NR6A1: variants seen among roughly 807,000 people sequenced by gnomAD.
NR6A1 encodes the protein nuclear receptor subfamily 6 group A member 1, also known as retinoic acid receptor-related testis-associated receptor.
Under a neutral mutation model 59.1 loss-of-function variants are expected in NR6A1, and 7 were observed. The ratio of observed to expected loss-of-function variants is 0.12; its 90% CI spans 0.07 to 0.22. The LOEUF is 0.22. NR6A1 is among the 10% of genes least tolerant of loss of function. The pLI is 1.00. For missense variants in NR6A1, 468 were observed against 611.6 expected (o/e 0.77, Z 2.48); for synonymous variants, 243 against 236.1 (o/e 1.03, Z -0.27).
intron 2 of NR6A1, among the ~76,000 whole-genome samples, chr9:124,560,475 A>C (rs1358262130): frequency 6.6e-6 from 1 of 152,180 alleles, no homozygotes; most frequent in Non-Finnish European, 1.5e-5. Flanking sequence ...TATTAAACAG[A>C]ACGTGGCCTT....
At position 124,529,164 on chromosome 9, in the gene NR6A1, G is replaced by A. The variant is rs1047270333; in HGVS notation, c.1080-2264C>T. ...TTACTGATACATTCCCAGCCTGGCCGATACATTCATATTGAATAACCACAA... is the reference window on the plus strand; with the variant it reads ...TTACTGATACATTCCCAGCCTGGCCAATACATTCATATTGAATAACCACAA... On this transcript the variant is annotated intron_variant, in intron 7 of 9. Transcript: ENST00000487099. Among the ~76,000 whole-genome samples, 6 of 152,284 alleles carry A rather than the reference G, an allele frequency of 3.9e-5. No homozygotes were observed. The South Asian group carries it at 6.2e-4, about 16-fold the overall frequency.
At chr9:124,769,798 G>A (rs551236527) in intron 1 of NR6A1, among the ~76,000 whole-genome samples, 6 of 152,232 alleles carry the variant, frequency 3.9e-5, no homozygotes, top group Non-Finnish European at 4.4e-5. Context: ...GCCGGTGCGA[G>A]CACCCTTTGT....
chr9:124,647,675 C>A (rs1485072818), intron 2 of NR6A1, among the ~76,000 whole-genome samples: 1 of 144,048 alleles, frequency 6.9e-6, no homozygotes, highest in Non-Finnish European at 1.5e-5. Flanking sequence ...TGCAGTGAGC[C>A]GAGATCATGC....
intron 2 of NR6A1, among the ~76,000 whole-genome samples, chr9:124,622,507 T>G (rs909376831): frequency 6.6e-6 from 1 of 152,210 alleles, no homozygotes; most frequent in Non-Finnish European, 1.5e-5. Context: ...TGATGCCTAG[T>G]TGAGATAACT....
intron 1 of NR6A1, among the ~76,000 whole-genome samples, chr9:124,760,708 C>T (rs561659024): frequency 6.6e-5 from 10 of 152,270 alleles, no homozygotes; most frequent in East Asian, 1.9e-4. Flanking sequence ...AGAGTTAAGA[C>T]GATAAATATA....
In NR6A1 at chr9:124,743,026, G is replaced by A. The variant is rs180895815; in HGVS notation, c.101-9677C>T. On this transcript the variant is annotated intron_variant, in intron 1 of 9. Coordinates refer to ENST00000487099, the MANE Select transcript of NR6A1 (RefSeq NM_033334.4). ...CCACTCTATCTTCTAGTCTCCTTTT[G>A]GTACAATGAATGGCTTTGGCATGAG... is the stretch of plus-strand genomic sequence containing the variant. Among the ~76,000 whole-genome samples, 594 of 152,254 alleles carry A rather than the reference G, an allele frequency of 3.9e-3. 2 individuals are homozygous for A. The highest frequency in any genetic ancestry group is 0.013 in the African/African-American group (557 of 41,536).
chr9:124,723,471 G>A (rs1312508387), intron 2 of NR6A1, among the ~76,000 whole-genome samples: 1 of 152,104 alleles, frequency 6.6e-6, no homozygotes, highest in East Asian at 1.9e-4. Flanking sequence ...CTATTCCTGT[G>A]ACTGAACTAT....
intron 8 of NR6A1, among the ~76,000 whole-genome samples, chr9:124,526,288 ATGTG>A (rs3050281): frequency 0.11 from 16,147 of 146,528 alleles, 2,173 homozygotes; most frequent in African/African-American, 0.32. Context: ...GTATGTGTGT[ATGTG>A]TGTGTGTGTG....
At chr9:124,543,767 A>C in intron 4 of NR6A1, 35 bp downstream of exon 4, 1 of 1,582,590 alleles carries the variant, frequency 6.3e-7, no homozygotes, top group Non-Finnish European at 8.6e-7. Flanking sequence ...CTGGGCTTCC[A>C]GGACGGACCA....
At chr9:124,651,435 A>C (rs562143925) in intron 2 of NR6A1, among the ~76,000 whole-genome samples, 29 of 152,358 alleles carry the variant, frequency 1.9e-4, no homozygotes, top group African/African-American at 6.7e-4. Context: ...TGAACCTTGG[A>C]GAAGTTAGTT....
At chr9:124,603,526 G>A (rs1835501953) in intron 2 of NR6A1, among the ~76,000 whole-genome samples, 1 of 152,144 alleles carries the variant, frequency 6.6e-6, no homozygotes, top group African/African-American at 2.4e-5. Flanking sequence ...GGCTGGTACT[G>A]GTAGTCAAAG....
chr9:124,753,363 T>C (rs1840557693), intron 1 of NR6A1, among the ~76,000 whole-genome samples: 3 of 152,154 alleles, frequency 2.0e-5, no homozygotes, highest in Admixed American at 1.3e-4. Context: ...TGGCAAATAA[T>C]TTTTCATTTA....
rs1420530245 is a variant in NR6A1, at chr9:124,542,520, A to G, written c.441+1282T>C. ...CACTGCCATTGCTCTGCTTCAAACTATTATCTGTATCTCTTGCCTGTACTT... is the reference window on the plus strand; with the variant it reads ...CACTGCCATTGCTCTGCTTCAAACTGTTATCTGTATCTCTTGCCTGTACTT... On this transcript the variant is annotated intron_variant, in intron 4 of 9. Coordinates refer to ENST00000487099, the MANE Select transcript of NR6A1 (RefSeq NM_033334.4). Among the ~76,000 whole-genome samples the G allele has an allele frequency of 2.0e-5, 3 of 152,036 alleles. No individual in the cohort carries two copies. The East Asian group carries it at 5.8e-4, about 29-fold the overall frequency.
intron 1 of NR6A1, among the ~76,000 whole-genome samples, chr9:124,738,647 T>G (rs1840084445): frequency 6.6e-6 from 1 of 151,874 alleles, no homozygotes. Context: ...GGCAGGTGGA[T>G]CACCTGAGGT....
chr9:124,637,619 A>G (rs1404542985), intron 2 of NR6A1, among the ~76,000 whole-genome samples: 5 of 152,212 alleles, frequency 3.3e-5, no homozygotes, highest in Non-Finnish European at 7.3e-5. Flanking sequence ...GGCCAGGTGC[A>G]GTGGCTTGTG....
chr9:124,544,239 C>T (rs1464798659), intron 3 of NR6A1, among the ~76,000 whole-genome samples: 2 of 152,070 alleles, frequency 1.3e-5, no homozygotes, highest in Non-Finnish European at 2.9e-5. Context: ...GTTTGTATTC[C>T]CAGCCTAAGT....
intron 1 of NR6A1, among the ~76,000 whole-genome samples, chr9:124,749,273 AAAAAG>A (rs1176617502): frequency 6.6e-6 from 1 of 152,178 alleles, no homozygotes; most frequent in Non-Finnish European, 1.5e-5. Context: ...AAAAAAAAAA[AAAAAG>A]AGTTACCCAT....
intron 2 of NR6A1, among the ~76,000 whole-genome samples, chr9:124,632,360 C>G (rs948583628): frequency 6.6e-6 from 1 of 152,190 alleles, no homozygotes; most frequent in Non-Finnish European, 1.5e-5. Flanking sequence ...AACAGCCATT[C>G]TGACTGGTGT....
chr9:124,748,676 C>T (rs1287670330), intron 1 of NR6A1, among the ~76,000 whole-genome samples: 4 of 151,048 alleles, frequency 2.6e-5, no homozygotes, highest in Non-Finnish European at 5.9e-5. Flanking sequence ...CTGGCTAACA[C>T]GGTGAAACCC....
Sources: allele counts gnomAD v4.1 joint callset (sites outside exome capture counted in the v4.1 genomes callset), GRCh38; gene constraint gnomAD v4.1.1; transcripts MANE v1.5; gene names NCBI Gene and HGNC (gene_info 2026-07-23, HGNC 2026-07-21).